Variants in SPIC observed in about 807,000 individuals in gnomAD.
The protein encoded by SPIC is Spi-C transcription factor.
A neutral mutation model predicts 16.7 loss-of-function variants in SPIC; 9 were observed. That is an observed-to-expected ratio of 0.54 (90% CI 0.33 to 0.94). SPIC has a LOEUF of 0.94. SPIC is among the 40% of genes least tolerant of loss of function. The probability of loss-of-function intolerance (pLI) is 0.03; values close to 1 mark genes in which losing one functional copy is unlikely to be tolerated. For missense variants in SPIC, 241 were observed against 285.8 expected, an observed-to-expected ratio of 0.84 and a Z score of 1.13; for synonymous variants, 97 against 102.9, an observed-to-expected ratio of 0.94 and a Z score of 0.35.
At chr12:101,479,478 A>G in intron 3 of SPIC, 104 bp from the exon 4 acceptor site, 1 of 790,806 alleles carries the variant, frequency 1.3e-6, no homozygotes. Context: ...AAGAAAACAT[A>G]GATGAGAGCA....
intron 4 of SPIC, among the ~76,000 whole-genome samples, chr12:101,482,119 C>CT (rs1399871193): frequency 6.6e-6 from 1 of 151,006 alleles, no homozygotes; most frequent in African/African-American, 2.4e-5. Flanking sequence ...GCACGCCCAG[C>CT]TACTAGGGAG....
chr12:101,480,417 C>G (rs1260481146), intron 4 of SPIC, among the ~76,000 whole-genome samples: 1 of 152,190 alleles, frequency 6.6e-6, no homozygotes, highest in Non-Finnish European at 1.5e-5. Flanking sequence ...TTCTCAAACT[C>G]AGTGTTATCT....
chr12:101,485,951 G>A (rs1436997469), intron 5 of SPIC, among the ~76,000 whole-genome samples: 3 of 152,104 alleles, frequency 2.0e-5, no homozygotes, highest in Non-Finnish European at 4.4e-5. Flanking sequence ...TTACAGGCGC[G>A]TGCCACCCTG....
chr12:101,481,510 A>T (rs1172005479), intron 4 of SPIC, among the ~76,000 whole-genome samples: 6 of 130,218 alleles, frequency 4.6e-5, no homozygotes, highest in Admixed American at 7.8e-5. Flanking sequence ...CCCACAGCTA[A>T]TTTTTTTTTT....
At position 101,477,541 on chromosome 12, in the gene SPIC, T is replaced by C; in HGVS notation, c.4-17T>C. On this transcript the variant is annotated splice_polypyrimidine_tract_variant and intron_variant, in intron 2 of 5. Transcript: ENST00000551346. Reference sequence around the variant, plus strand: ...TGGTAATTCGAAAACTCCAGAATTCTATCATTGTTCCAACAGACGTGTGTT... The same window carrying C: ...TGGTAATTCGAAAACTCCAGAATTCCATCATTGTTCCAACAGACGTGTGTT... 1 of 1,611,396 alleles carries C rather than the reference T, an allele frequency of 6.2e-7. No individual in the cohort carries two copies. The highest frequency in any genetic ancestry group is 8.5e-7 in the Non-Finnish European group (1 of 1,177,572).
At chr12:101,476,646 A>T (rs1872964362) in intron 1 of SPIC, among the ~76,000 whole-genome samples, 182 bp from the exon 2 acceptor site, 1 of 152,130 alleles carries the variant, frequency 6.6e-6, no homozygotes, top group Admixed American at 6.5e-5. Flanking sequence ...AATCATGGAA[A>T]AGCAAAAAGA....
Position 101,477,587 on chromosome 12 carries a change from A to T in SPIC, c.33A>T (p.Gln11His). 6.2e-7 allele frequency: 1 copy of T among 1,614,096 alleles called. No homozygotes were observed. The highest frequency in any genetic ancestry group is 8.5e-7 in the Non-Finnish European group (1 of 1,180,014). Residue 11 changes from glutamine to histidine, a missense_variant, in exon 3 of 6, where the codon CAA becomes CAT. By Grantham distance (24) the Gln-to-His change is conservative (BLOSUM62 0). Transcript: ENST00000551346. ...GTGTTGAACAAGACAAGCTGGGTCA[A>T]GCATTTGAAGATGCTTTTGAGGTTC... MTCVEQDKLG[Q>H]AFEDAFEVLR...
chr12:101,478,926 C>G (rs1027841034), intron 3 of SPIC, among the ~76,000 whole-genome samples: 20 of 144,370 alleles, frequency 1.4e-4, no homozygotes, highest in African/African-American at 3.7e-4. Flanking sequence ...CACTTGAGCC[C>G]AGGAGTTCAA....
chr12:101,485,844 C>T (rs898333176), intron 5 of SPIC, among the ~76,000 whole-genome samples: 5 of 152,262 alleles, frequency 3.3e-5, no homozygotes, highest in African/African-American at 7.2e-5. Flanking sequence ...AGTGCAGTGG[C>T]GCGATCTCGG....
Position 101,486,650 on chromosome 12 carries a change from A to G in SPIC, c.626A>G (p.Lys209Arg). Reference sequence around the variant, plus strand: ...CTCTCTCCATCCTATTTCCTGGGGAAAGAGATCTTCTATTCACAGTGTGTT... The same window carrying G: ...CTCTCTCCATCCTATTTCCTGGGGAGAGAGATCTTCTATTCACAGTGTGTT... ...QRLSPSYFLG[K>R]EIFYSQCVQP... The change falls in exon 6 of 6, where the codon AAA becomes AGA. Residue 209 changes from lysine (K) to arginine (R), a missense_variant. Lys to Arg is a conservative substitution (Grantham distance 26, BLOSUM62 2). Transcript: ENST00000551346. 1.2e-6 allele frequency: 2 copies of G among 1,613,982 alleles called. No homozygotes were observed. The highest frequency in any genetic ancestry group is 1.7e-6 in the Non-Finnish European group (2 of 1,179,870).
chr12:101,476,958 C>T (rs748295621), intron 2 of SPIC, 51 bp downstream of exon 2: 1 of 1,283,662 alleles, frequency 7.8e-7, no homozygotes, highest in Non-Finnish European at 1.0e-6. Context: ...AGGAGCTCTA[C>T]AGCATAATAA....
At position 101,481,510 on chromosome 12, in the gene SPIC, A is replaced by AT. The variant is rs72107180; in HGVS notation, c.211-1266dup. 5.7e-3 allele frequency among the ~76,000 whole-genome samples: 746 copies of AT among 130,182 alleles called. 4 individuals carry two copies. Among genetic ancestry groups the AT allele is most frequent in the Middle Eastern group, 0.013 (3 of 228 alleles). The allele number at this position is 130,182 out of a possible 152,430, so 85.4% of individuals were successfully genotyped here. ...AGGTGCCCACCACCACCCACAGCTA[A>AT]TTTTTTTTTTTTTTTTGAGATAGAG... On this transcript the variant is annotated intron_variant, in intron 4 of 5. Transcript: ENST00000551346.
At chr12:101,483,404 A>G (rs76854931) in intron 5 of SPIC, among the ~76,000 whole-genome samples, 1 of 152,056 alleles carries the variant, frequency 6.6e-6, no homozygotes, top group Admixed American at 6.6e-5. Flanking sequence ...CTATGATAAC[A>G]GCGCCTTCTG....
chr12:101,482,957 G>A, intron 5 of SPIC, 57 bp downstream of exon 5: 1 of 1,425,190 alleles, frequency 7.0e-7, no homozygotes, highest in Non-Finnish European at 9.7e-7. Flanking sequence ...CCTCATAGCT[G>A]CTTTAAAGGG....
intron 4 of SPIC, 29 bp from the exon 5 acceptor site, chr12:101,482,763 C>T: frequency 1.3e-6 from 2 of 1,587,472 alleles, no homozygotes; most frequent in Non-Finnish European, 1.7e-6. Flanking sequence ...GAAAGTCTCA[C>T]TTAACATCCT....
intron 4 of SPIC, 41 bp from the exon 5 acceptor site, chr12:101,482,750 AG>A: frequency 1.3e-6 from 2 of 1,564,288 alleles, no homozygotes; most frequent in East Asian, 4.5e-5. Flanking sequence ...AGGGGGCAAC[AG>A]GGAAAGTCTC....
Position 101,475,514 on chromosome 12 carries a change from G to T in SPIC, c.-78+12G>T, listed in dbSNP as rs1477132978. 6.6e-6 allele frequency: 1 copy of T among 152,054 alleles called. No homozygotes were observed. Among genetic ancestry groups the T allele is most frequent in the Non-Finnish European group, 1.5e-5 (1 of 68,008 alleles). The allele number at this position is 152,054 out of a possible 1,614,324, so 9.4% of individuals were successfully genotyped here. On this transcript the variant is annotated intron_variant, in intron 1 of 5. Coordinates refer to ENST00000551346, the MANE Select transcript of SPIC (RefSeq NM_152323.3). ...GAAGTGTCTTCCCGGTAAGTTCTCA[G>T]CTTATGTTTTTCTAAATATCTTCTA...
intron 4 of SPIC, among the ~76,000 whole-genome samples, chr12:101,481,614 A>G (rs1379804500): frequency 6.6e-6 from 1 of 151,142 alleles, no homozygotes; most frequent in African/African-American, 2.4e-5. Context: ...GGTTCAAGCG[A>G]TTCTCCTGCC....
intron 3 of SPIC, among the ~76,000 whole-genome samples, chr12:101,479,296 G>GAAAAGAAA (rs1295174377): frequency 4.8e-5 from 2 of 41,760 alleles, no homozygotes; most frequent in Admixed American, 4.4e-4. Context: ...AAGAAAGAAA[G>GAAAAGAAA]AAAGAAAGAA....
Sources: gnomAD v4.1 joint callset for allele counts (sites outside exome capture counted in the v4.1 genomes callset) on GRCh38, gnomAD v4.1.1 for gene constraint, MANE v1.5 for transcripts, NCBI Gene and HGNC (gene_info 2026-07-23, HGNC 2026-07-21) for gene names.